The following PLXNA2 variants were observed in gnomAD, a reference collection of about 807,000 sequenced individuals.
PLXNA2 encodes plexin-A2.
A neutral mutation model predicts 193.5 loss-of-function variants in PLXNA2; 91 were observed. The observed-to-expected ratio is 0.47, with a 90% CI of 0.40 to 0.56. PLXNA2 has a LOEUF of 0.56. PLXNA2 is among the 20% of genes least tolerant of loss of function. The probability of loss-of-function intolerance (pLI) is 0.00; values close to 1 mark genes in which losing one functional copy is unlikely to be tolerated. For synonymous variants in PLXNA2, 997 were observed against 1,027.3 expected (o/e 0.97, Z 0.56); for missense variants, 1,995 against 2,503.2 (o/e 0.80, Z 4.33).
intron 2 of PLXNA2, among the ~76,000 whole-genome samples, chr1:208,212,388 T>C (rs1383029020): frequency 6.6e-6 from 1 of 152,176 alleles, no homozygotes; most frequent in Non-Finnish European, 1.5e-5. Flanking sequence ...CTGTTACTGG[T>C]AGGAATGATG....
At chr1:208,084,319 C>A in intron 10 of PLXNA2, 61 bp downstream of exon 10, 1 of 1,554,946 alleles carries the variant, frequency 6.4e-7, no homozygotes, top group Non-Finnish European at 8.8e-7. Flanking sequence ...CATACTGAGG[C>A]CCCAGCACGA....
chr1:208,142,108 CA>C (rs1668473991), intron 4 of PLXNA2, among the ~76,000 whole-genome samples: 1 of 152,214 alleles, frequency 6.6e-6, no homozygotes, highest in South Asian at 2.1e-4. Flanking sequence ...CTTACTGAGA[CA>C]GGGGCTGTGG....
intron 3 of PLXNA2, among the ~76,000 whole-genome samples, chr1:208,201,973 A>T (rs758109187): frequency 6.8e-5 from 9 of 132,624 alleles, no homozygotes; most frequent in Non-Finnish European, 1.3e-4. Flanking sequence ...CAGGGCAAGA[A>T]TTTTTTTTTT....
chr1:208,192,027 G>A (rs1670201807), intron 3 of PLXNA2, among the ~76,000 whole-genome samples: 2 of 152,140 alleles, frequency 1.3e-5, no homozygotes, highest in South Asian at 2.1e-4. Context: ...CCCAGCTGAT[G>A]GGACTCCTAC....
chr1:208,075,918 C>T (rs569823578), intron 12 of PLXNA2, among the ~76,000 whole-genome samples: 7 of 152,014 alleles, frequency 4.6e-5, no homozygotes, highest in African/African-American at 1.7e-4. Flanking sequence ...ATTAGCCAGG[C>T]GTGGTGGTGC....
chr1:208,163,100 G>A (rs1485708611), intron 3 of PLXNA2, among the ~76,000 whole-genome samples: 1 of 152,130 alleles, frequency 6.6e-6, no homozygotes, highest in Non-Finnish European at 1.5e-5. Context: ...ACTGACCCTT[G>A]AGCCAAGGCA....
At chr1:208,141,785 G>A (rs1318910611) in intron 4 of PLXNA2, among the ~76,000 whole-genome samples, 1 of 152,202 alleles carries the variant, frequency 6.6e-6, no homozygotes, top group East Asian at 1.9e-4. Context: ...TTGCTCAGCT[G>A]TTTCCCTACA....
intron 3 of PLXNA2, among the ~76,000 whole-genome samples, chr1:208,158,117 G>T (rs2102509415): frequency 6.6e-6 from 1 of 152,332 alleles, no homozygotes; most frequent in East Asian, 1.9e-4. Flanking sequence ...CCTAGGTACA[G>T]CTTCTGATGC....
At chr1:208,223,602 T>C (rs1246820783) in intron 1 of PLXNA2, among the ~76,000 whole-genome samples, 2 of 152,218 alleles carry the variant, frequency 1.3e-5, no homozygotes, top group Admixed American at 1.3e-4. Flanking sequence ...GAATGATTGC[T>C]TCTGTCCTCT....
chr1:208,209,162 A>G (rs1373919945), intron 3 of PLXNA2, among the ~76,000 whole-genome samples: 2 of 152,200 alleles, frequency 1.3e-5, no homozygotes, highest in African/African-American at 4.8e-5. Context: ...TATCTTTGGT[A>G]TCATGAGAAC....
intron 6 of PLXNA2, among the ~76,000 whole-genome samples, chr1:208,098,555 A>G (rs1449790632): frequency 3.3e-5 from 5 of 151,928 alleles, no homozygotes; most frequent in Admixed American, 6.6e-5. Flanking sequence ...GCAGATACTA[A>G]AGAATGTGTT....
chr1:208,200,908 C>T (rs1378458147), intron 3 of PLXNA2, among the ~76,000 whole-genome samples: 1 of 152,106 alleles, frequency 6.6e-6, no homozygotes, highest in Non-Finnish European at 1.5e-5. Context: ...GCCTGGCCTC[C>T]AATCCTTCTT....
intron 3 of PLXNA2, among the ~76,000 whole-genome samples, chr1:208,153,736 G>A (rs1183109852): frequency 6.6e-6 from 1 of 152,234 alleles, no homozygotes; most frequent in African/African-American, 2.4e-5. Context: ...AGGGAGGGAA[G>A]GGAAGTCAAG....
At chr1:208,201,122 A>G (rs1263140262) in intron 3 of PLXNA2, among the ~76,000 whole-genome samples, 1 of 152,224 alleles carries the variant, frequency 6.6e-6, no homozygotes, top group Non-Finnish European at 1.5e-5. Flanking sequence ...TAGACATTAT[A>G]TATCCTCCAT....
intron 4 of PLXNA2, among the ~76,000 whole-genome samples, chr1:208,114,113 G>C (rs1339749918): frequency 1.3e-5 from 2 of 152,272 alleles, no homozygotes; most frequent in South Asian, 2.1e-4. Flanking sequence ...GCTCCTGAAA[G>C]ATACTATAAA....
intron 12 of PLXNA2, among the ~76,000 whole-genome samples, chr1:208,066,803 G>A (rs975774183): frequency 1.1e-4 from 17 of 152,178 alleles, no homozygotes; most frequent in African/African-American, 4.1e-4. Context: ...AGATAAGGAG[G>A]TGGAAGACAG....
rs568382742 is a variant in PLXNA2 at position 208,130,983 on chromosome 1, C to T, written c.1506+11346G>A. Among the ~76,000 whole-genome samples the T allele has an allele frequency of 3.9e-5, 6 of 152,334 alleles. No homozygotes were observed. The East Asian group carries it at 1.2e-3, about 29-fold the overall frequency. On this transcript the variant is annotated intron_variant, in intron 4 of 31. Coordinates refer to ENST00000367033, the MANE Select transcript of PLXNA2 (RefSeq NM_025179.4). Reference sequence around the variant, plus strand: ...TCAAAAAGTGGTGGTCAGCTTCCCACTTCATGGGAACCCTGTGTTCACAAA... The same window carrying T: ...TCAAAAAGTGGTGGTCAGCTTCCCATTTCATGGGAACCCTGTGTTCACAAA...
chr1:208,212,717 C>T (rs1671002174), intron 2 of PLXNA2, among the ~76,000 whole-genome samples: 1 of 152,192 alleles, frequency 6.6e-6, no homozygotes, highest in South Asian at 2.1e-4. Flanking sequence ...ACCACTGGAG[C>T]CAACCACGGG....
chr1:208,027,949 T>C (rs776036454), intron 31 of PLXNA2, 60 bp downstream of exon 31: 15 of 1,457,132 alleles, frequency 1.0e-5, no homozygotes, highest in Non-Finnish European at 1.4e-5. Flanking sequence ...ATTTAAGGAC[T>C]GAGTCAGGCT....
Sources: allele counts gnomAD v4.1 joint callset (sites outside exome capture counted in the v4.1 genomes callset), GRCh38; gene constraint gnomAD v4.1.1; transcripts MANE v1.5; gene names NCBI Gene and HGNC (gene_info 2026-07-23, HGNC 2026-07-21).